PCDH15: variants seen among roughly 807,000 people sequenced by gnomAD.
PCDH15 encodes protocadherin related 15.
Under a neutral mutation model 178.5 loss-of-function variants are expected in PCDH15, and 129 were observed. That is an observed-to-expected ratio of 0.72 (90% CI 0.63 to 0.84). The LOEUF (loss-of-function observed/expected upper bound fraction) is 0.84, where lower values mean the gene tolerates loss of function less well. PCDH15 is among the 40% of genes least tolerant of loss of function. The pLI is 0.00. For missense variants in PCDH15, 2,230 were observed against 2,099.9 expected (o/e 1.06, Z -1.21); for synonymous variants, 800 against 732.0 (o/e 1.09, Z -1.50).
At chr10:55,354,387 G>A (rs1485655081) in intron 2 of PCDH15, among the ~76,000 whole-genome samples, 2 of 151,992 alleles carry the variant, frequency 1.3e-5, no homozygotes, top group African/African-American at 2.4e-5. Context: ...CGGACTTAAA[G>A]CAGCTCAGGG....
chr10:55,000,848 G>A (rs2131929639), intron 2 of PCDH15, among the ~76,000 whole-genome samples: 1 of 152,266 alleles, frequency 6.6e-6, no homozygotes, highest in Middle Eastern at 3.4e-3. Flanking sequence ...CCAGACTCCA[G>A]CATCCCTGAA....
upstream of PCDH15, among the ~76,000 whole-genome samples, chr10:54,804,431 C>G (rs2133720602): frequency 6.6e-6 from 1 of 152,216 alleles, no homozygotes; most frequent in East Asian, 1.9e-4. Context: ...ACTGGCAATG[C>G]CATGATGAAT....
chr10:54,317,465 C>T, intron 7 of PCDH15, 24 bp from the exon 8 acceptor site: 1 of 1,612,904 alleles, frequency 6.2e-7, no homozygotes. Flanking sequence ...AAACAAACAA[C>T]AGGTAGTTTA....
chr10:53,843,642 TA>T (rs2077795129), intron 28 of PCDH15, among the ~76,000 whole-genome samples: 1 of 152,096 alleles, frequency 6.6e-6, no homozygotes, highest in South Asian at 2.1e-4. Flanking sequence ...AATATAGTTA[TA>T]TTTTTAAAAA....
upstream of PCDH15, among the ~76,000 whole-genome samples, chr10:55,322,363 TA>T (rs1454400773): frequency 2.0e-5 from 3 of 152,168 alleles, no homozygotes; most frequent in Non-Finnish European, 4.4e-5. Flanking sequence ...GGGAATAGAC[TA>T]AAACAGTAAG....
At chr10:54,208,726 TGTGTGC>T (rs1440116730) in intron 10 of PCDH15, among the ~76,000 whole-genome samples, 7 of 152,048 alleles carry the variant, frequency 4.6e-5, no homozygotes, top group Middle Eastern at 3.2e-3. Context: ...TGTCTGTGTG[TGTGTGC>T]GTGTGCGTGT....
intron 2 of PCDH15, among the ~76,000 whole-genome samples, chr10:55,565,365 T>C (rs912792718): frequency 1.3e-5 from 2 of 151,372 alleles, no homozygotes; most frequent in East Asian, 1.9e-4. Flanking sequence ...AAGAGAGAAA[T>C]GTATAGCTAT....
chr10:54,234,132 C>CTGTGTGTGTGTGTGTGTGTG (rs35466519), intron 9 of PCDH15, among the ~76,000 whole-genome samples: 4 of 138,548 alleles, frequency 2.9e-5, no homozygotes, highest in South Asian at 4.9e-4. Context: ...ATATCCCCTT[C>CTGTGTGTGTGTGTGTGTGTG]TGTGTGTGTG....
At chr10:54,351,973 G>T (rs1413454535) in intron 5 of PCDH15, among the ~76,000 whole-genome samples, 1 of 152,092 alleles carries the variant, frequency 6.6e-6, no homozygotes, top group Non-Finnish European at 1.5e-5. Flanking sequence ...ATAAAATATT[G>T]AGAAGGATAT....
chr10:54,250,267 C>CTTT lies in PCDH15; in HGVS notation c.877-13339_877-13337dup, dbSNP rs765895227. On this transcript the variant is annotated intron_variant, in intron 8 of 37. Coordinates refer to ENST00000644397, the MANE Select transcript of PCDH15 (RefSeq NM_001384140.1). The stretch of plus-strand genomic sequence containing the variant: ...GCCATGCTTCTATAATATGCTATTA[C>CTTT]TTTTTTTTTTTTTTTTTTTTTTTTG... Among the ~76,000 whole-genome samples the CTTT allele has an allele frequency of 1.8e-3, 152 of 83,998 alleles. 1 individual carries two copies. Among genetic ancestry groups the CTTT allele is most frequent in the Non-Finnish European group, 2.1e-3 (97 of 45,724 alleles). 55.1% of individuals were successfully genotyped at this position (83,998 alleles called of 152,430 possible).
chr10:54,365,632 C>A (rs528230481), intron 5 of PCDH15, among the ~76,000 whole-genome samples: 20 of 152,120 alleles, frequency 1.3e-4, no homozygotes, highest in South Asian at 8.3e-4. Flanking sequence ...CCTCAAAAAC[C>A]TGCCATCACT....
At chr10:54,793,711 C>A (rs55763405) in intron 1 of PCDH15, among the ~76,000 whole-genome samples, 1 of 147,532 alleles carries the variant, frequency 6.8e-6, no homozygotes, top group African/African-American at 2.5e-5. Flanking sequence ...CATATATATA[C>A]ATATATATAC....
intron 1 of PCDH15, among the ~76,000 whole-genome samples, chr10:54,728,521 A>C (rs1942896232): frequency 6.6e-6 from 1 of 151,372 alleles, no homozygotes; most frequent in African/African-American, 2.4e-5. Context: ...CTTCTTGAGA[A>C]CTGGAACAAG....
chr10:55,316,570 A>T (rs1446359784), intron 1 of PCDH15, among the ~76,000 whole-genome samples: 1 of 152,066 alleles, frequency 6.6e-6, no homozygotes, highest in Non-Finnish European at 1.5e-5. Context: ...ACTTTTCCTG[A>T]GCCCATTTGT....
chr10:54,185,099 A>G, intron 12 of PCDH15, 35 bp downstream of exon 12: 1 of 1,606,264 alleles, frequency 6.2e-7, no homozygotes. Flanking sequence ...ATACATTCAT[A>G]CATACATATG....
intron 1 of PCDH15, among the ~76,000 whole-genome samples, chr10:55,278,317 A>T (rs1190874636): frequency 6.6e-6 from 1 of 152,136 alleles, no homozygotes; most frequent in African/African-American, 2.4e-5. Context: ...ATACATATAT[A>T]TTAATTTAGA....
At chr10:54,402,155 A>G (rs1306997920) in intron 3 of PCDH15, among the ~76,000 whole-genome samples, 1 of 151,932 alleles carries the variant, frequency 6.6e-6, no homozygotes, top group Non-Finnish European at 1.5e-5. Context: ...CAACACAGAA[A>G]ATTCATGTAT....
chr10:55,590,665 G>A (rs1434692136), intron 2 of PCDH15, among the ~76,000 whole-genome samples: 1 of 152,034 alleles, frequency 6.6e-6, no homozygotes, highest in Admixed American at 6.6e-5. Context: ...ATATTACAAA[G>A]GAATTCAGAG....
rs2057440321 is a variant in PCDH15, at chr10:54,263,075, A to G, written c.877-26144T>C. 2.0e-5 allele frequency among the ~76,000 whole-genome samples: 3 copies of G among 148,518 alleles called. No individual in the cohort carries two copies. The South Asian group carries it at 6.2e-4, about 31-fold the overall frequency. On this transcript the variant is annotated intron_variant, in intron 8 of 37. Transcript: ENST00000644397. Reference sequence around the variant, plus strand: ...CATTTTCTTTGTCTCTACACTTGAAATACTGTATTTTCTTTGTCTCATGTT... The same window carrying G: ...CATTTTCTTTGTCTCTACACTTGAAGTACTGTATTTTCTTTGTCTCATGTT...
Sources: gnomAD v4.1 joint callset for allele counts (sites outside exome capture counted in the v4.1 genomes callset) on GRCh38, gnomAD v4.1.1 for gene constraint, MANE v1.5 for transcripts, NCBI Gene and HGNC (gene_info 2026-07-23, HGNC 2026-07-21) for gene names.